Variants in FERMT3 observed in about 807,000 individuals in gnomAD.
FERMT3 encodes fermitin family homolog 3.
Under a neutral mutation model 80.8 loss-of-function variants are expected in FERMT3, and 33 were observed. The ratio of observed to expected loss-of-function variants is 0.41; its 90% confidence interval spans 0.31 to 0.55. FERMT3 has a LOEUF of 0.55. Ranked by LOEUF, FERMT3 falls within the 20% of genes least tolerant of loss-of-function variation. The pLI is 0.31. For missense variants in FERMT3, 754 were observed against 908.7 expected (o/e 0.83, Z 2.19); for synonymous variants, 375 against 372.2 (o/e 1.01, Z -0.09).
At chr11:64,214,720 T>G (rs1185055967) in intron 6 of FERMT3, among the ~76,000 whole-genome samples, 1 of 152,164 alleles carries the variant, frequency 6.6e-6, no homozygotes, top group Non-Finnish European at 1.5e-5. Flanking sequence ...TCAACTTATC[T>G]TCTAAAATAT....
At chr11:64,208,820 C>G (rs1001027391) in intron 2 of FERMT3, among the ~76,000 whole-genome samples, 1 of 152,094 alleles carries the variant, frequency 6.6e-6, no homozygotes, top group African/African-American at 2.4e-5. Context: ...CTGGCTGGTG[C>G]CTGGCCAGCT....
chr11:64,220,558 G>A lies in FERMT3; in HGVS notation c.1434G>A (p.Thr478=), dbSNP rs368102589. The A allele has an allele frequency of 9.3e-5, 149 of 1,607,426 alleles. No homozygotes were observed. Among genetic ancestry groups the A allele is most frequent in the Non-Finnish European group, 1.1e-4 (134 of 1,177,420 alleles). ...AILAFLSLQR[T]GSGGPGNHPH... ...TGGCCTTCCTCAGCCTGCAGCGCACGGGCAGTGGGGGCCCGGGCAACCACC... is the reference window on the plus strand; with the variant it reads ...TGGCCTTCCTCAGCCTGCAGCGCACAGGCAGTGGGGGCCCGGGCAACCACC... Residue 478 remains threonine (T), a synonymous_variant, in exon 12 of 15, where the codon ACG becomes ACA. Transcript: ENST00000345728.
At chr11:64,207,763 A>G (rs906402584) in intron 2 of FERMT3, 23 of 507,438 alleles carry the variant, frequency 4.5e-5, no homozygotes, top group Non-Finnish European at 5.3e-5. Context: ...CGCAGCCACA[A>G]TCCTCCATTC....
At chr11:64,222,890 A>T (rs1408869649) in intron 13 of FERMT3, among the ~76,000 whole-genome samples, 158 bp from the exon 14 acceptor site, 1 of 152,210 alleles carries the variant, frequency 6.6e-6, no homozygotes, top group Non-Finnish European at 1.5e-5. Flanking sequence ...CAGATGAGGA[A>T]CTTGAGGCCC....
Position 64,223,631 on chromosome 11 carries a change from G to A in FERMT3, c.*139G>A. On this transcript the variant is annotated 3_prime_UTR_variant, in exon 15 of 15. Transcript: ENST00000345728. ...TTTCACCTGCTGTCACTGACTTTGT[G>A]CAGGCCAAGGACCTGGCAGGGCCAG... 9.1e-7 allele frequency: 1 copy of A among 1,099,164 alleles called. No homozygotes were observed. 68.1% of individuals were successfully genotyped at this position (1,099,164 alleles called of 1,614,324 possible).
chr11:64,217,764 A>C, intron 6 of FERMT3, among the ~76,000 whole-genome samples: 1 of 152,028 alleles, frequency 6.6e-6, no homozygotes, highest in Non-Finnish European at 1.5e-5. Context: ...TCTTCAGCTC[A>C]CCCTCGCATC....
At chr11:64,206,197 GA>G (rs1946308199), upstream of FERMT3, among the ~76,000 whole-genome samples, 1 of 152,242 alleles carries the variant, frequency 6.6e-6, no homozygotes, top group South Asian at 2.1e-4. Flanking sequence ...TGGCAGGTCT[GA>G]GTTCATGAGT....
rs956402727 is a variant in FERMT3, at chr11:64,220,059, G to A, written c.1204+44G>A. Reference sequence around the variant, plus strand: ...GGGCTGGGTGGGGGGATCCCCACTTGTGGGCTAGGCAGGTGAATGCTCTCA... The same window carrying A: ...GGGCTGGGTGGGGGGATCCCCACTTATGGGCTAGGCAGGTGAATGCTCTCA... On this transcript the variant is annotated intron_variant, in intron 10 of 14. Coordinates refer to ENST00000345728, the MANE Select transcript of FERMT3 (RefSeq NM_031471.6). 4 of 1,610,204 alleles carry A rather than the reference G, an allele frequency of 2.5e-6. No homozygotes were observed. The South Asian group carries it at 3.3e-5, about 13-fold the overall frequency.
intron 6 of FERMT3, among the ~76,000 whole-genome samples, chr11:64,215,605 G>A (rs967179344): frequency 3.3e-5 from 5 of 151,882 alleles, no homozygotes; most frequent in African/African-American, 9.7e-5. Flanking sequence ...ATGGGGTCTC[G>A]CTCTGTCACC....
chr11:64,216,519 G>A (rs1211954029), intron 6 of FERMT3, among the ~76,000 whole-genome samples: 3 of 144,622 alleles, frequency 2.1e-5, no homozygotes, highest in South Asian at 2.2e-4. Context: ...TTTTTTCGCC[G>A]GGCGCGGTGG....
chr11:64,220,400 T>C (rs776838226), intron 11 of FERMT3, 36 bp from the exon 12 acceptor site: 1 of 1,609,690 alleles, frequency 6.2e-7, no homozygotes. Context: ...AGCATCAAGC[T>C]TGGTTAGCAC....
chr11:64,221,159 C>G lies in FERMT3; in HGVS notation c.1670+19C>G, dbSNP rs1418937922. 1.2e-6 allele frequency: 2 copies of G among 1,604,088 alleles called. No individual in the cohort carries two copies. The highest frequency in any genetic ancestry group is 1.3e-5 in the African/African-American group (1 of 74,890). ...TGGTCAGGTATGGCCCCTGGCCCAG[C>G]CCCCTGCCCAGCACCGTCTCTGCCC... On this transcript the variant is annotated intron_variant, in intron 13 of 14. Coordinates refer to ENST00000345728, the MANE Select transcript of FERMT3 (RefSeq NM_031471.6).
chr11:64,220,719 C>T (rs773984813), intron 12 of FERMT3, 50 bp downstream of exon 12: 1 of 1,520,004 alleles, frequency 6.6e-7, no homozygotes, highest in Non-Finnish European at 9.0e-7. Context: ...ACCCAGAGAC[C>T]TCTGACCCCT....
upstream of FERMT3, among the ~76,000 whole-genome samples, chr11:64,206,099 CA>C (rs139842785): frequency 0.011 from 1,714 of 152,222 alleles, 36 homozygotes; most frequent in African/African-American, 0.04. Context: ...AAGTGGAGCA[CA>C]GTGGAGGGGT....
chr11:64,223,260 C>G (rs991233219), intron 14 of FERMT3, 53 bp from the exon 15 acceptor site: 1 of 1,612,976 alleles, frequency 6.2e-7, no homozygotes, highest in Admixed American at 1.7e-5. Flanking sequence ...CAGGGTGGGG[C>G]AGGGGCTGCT....
chr11:64,220,403 G>T (rs1322237683), intron 11 of FERMT3, 33 bp from the exon 12 acceptor site: 5 of 1,609,300 alleles, frequency 3.1e-6, no homozygotes, highest in Non-Finnish European at 4.2e-6. Context: ...ATCAAGCTTG[G>T]TTAGCACTGT....
In FERMT3 at chr11:64,210,781, C is replaced by T. The variant is rs140328152; in HGVS notation, c.331C>T (p.Arg111Cys). ...ILRLPNRRAL[R>C]LRASFSQPLF... Reference sequence around the variant, plus strand: ...TCGGTTGCCCAACCGCCGCGCACTGCGCCTCCGTGCCAGCTTCTCCCAGCC... The same window carrying T: ...TCGGTTGCCCAACCGCCGCGCACTGTGCCTCCGTGCCAGCTTCTCCCAGCC... Residue 111 changes from arginine to cysteine, a missense_variant, in exon 3 of 15, where the codon CGC becomes TGC. Physicochemically the swap from Arg to Cys is radical, Grantham distance 180. Coordinates refer to ENST00000345728, the MANE Select transcript of FERMT3 (RefSeq NM_031471.6). This position sits in a 1 kb window ranked among gnomAD's most constrained non-coding sequence, Gnocchi z 4.3. 2.1e-4 allele frequency: 344 copies of T among 1,614,004 alleles called. 2 individuals carry two copies. In the African/African-American group the frequency reaches 3.8e-3, roughly 18 times the overall value.
rs751777617 is a variant in FERMT3 at position 64,219,994 on chromosome 11, A to T, written c.1183A>T (p.Ile395Phe). 1.2e-6 allele frequency: 2 copies of T among 1,613,548 alleles called. No individual in the cohort carries two copies. Among genetic ancestry groups the T allele is most frequent in the Non-Finnish European group, 1.7e-6 (2 of 1,179,958 alleles). Residue 395 changes from isoleucine to phenylalanine, a missense_variant, in exon 10 of 15, where the codon ATT becomes TTT. By Grantham distance (21) the Ile-to-Phe change is conservative. Transcript: ENST00000345728. This position sits in a 1 kb window ranked among gnomAD's most constrained non-coding sequence, Gnocchi z 4.0. ...CCAGGACGAGGCCCCTGGGGACCCC[A>T]TTCAGCAGCTCAACCTCAAGGGTAA... ...KSQDEAPGDP[I>F]QQLNLKGCEV...
chr11:64,210,493 C>A lies in FERMT3; in HGVS notation c.161-118C>A. ...CCAGGCCCGCCCAGGCTGCCCCACTCTTGGCTTAGGCAGGGCAGGGGAGTG... is the reference window on the plus strand; with the variant it reads ...CCAGGCCCGCCCAGGCTGCCCCACTATTGGCTTAGGCAGGGCAGGGGAGTG... On this transcript the variant is annotated intron_variant, in intron 2 of 14. Coordinates refer to ENST00000345728, the MANE Select transcript of FERMT3 (RefSeq NM_031471.6). The surrounding 1 kb of genome is among the most constrained non-coding windows in gnomAD (Gnocchi z 4.3). 1 of 1,059,534 alleles carries A rather than the reference C, an allele frequency of 9.4e-7. No individual in the cohort carries two copies. Among genetic ancestry groups the A allele is most frequent in the Non-Finnish European group, 1.4e-6 (1 of 700,498 alleles). 65.6% of individuals were successfully genotyped at this position (1,059,534 alleles called of 1,614,324 possible). A position where few individuals can be genotyped will look rare whatever the true frequency, so the allele number is the denominator to read the frequency against.
Sources: gnomAD v4.1 joint callset for allele counts (sites outside exome capture counted in the v4.1 genomes callset) on GRCh38, gnomAD v4.1.1 for gene constraint, Gnocchi (gnomAD v3.1) non-coding constraint, MANE v1.5 for transcripts, NCBI Gene and HGNC (gene_info 2026-07-23, HGNC 2026-07-21) for gene names.